NTNG1: variants seen among roughly 807,000 people sequenced by gnomAD.
The protein encoded by NTNG1 is netrin G1.
Under a neutral mutation model 54.0 loss-of-function variants are expected in NTNG1, and 16 were observed. The ratio of observed to expected loss-of-function variants is 0.30; its 90% CI spans 0.20 to 0.45. NTNG1 has a LOEUF of 0.45. NTNG1 is among the 20% of genes least tolerant of loss of function. The probability of loss-of-function intolerance (pLI) is 1.00; values close to 1 mark genes in which losing one functional copy is unlikely to be tolerated. For synonymous variants in NTNG1, 255 were observed against 263.1 expected, an observed-to-expected ratio of 0.97 and a Z score of 0.30; for missense variants, 530 against 678.7, an observed-to-expected ratio of 0.78 and a Z score of 2.43.
intron 3 of NTNG1, among the ~76,000 whole-genome samples, chr1:107,331,774 T>C (rs1245485589): frequency 6.6e-6 from 1 of 152,082 alleles, no homozygotes; most frequent in East Asian, 1.9e-4. Context: ...GTCCACATTC[T>C]CTCTTCTGAA....
At chr1:107,166,481 T>C (rs925944603) in intron 2 of NTNG1, among the ~76,000 whole-genome samples, 1 of 152,264 alleles carries the variant, frequency 6.6e-6, no homozygotes, top group East Asian at 1.9e-4. Flanking sequence ...CTTTATAAAA[T>C]GCACAGTACT....
chr1:107,182,234 TA>T (rs1370083751), intron 2 of NTNG1, among the ~76,000 whole-genome samples: 2 of 152,024 alleles, frequency 1.3e-5, no homozygotes, highest in African/African-American at 2.4e-5. Context: ...AGGAAGCAGT[TA>T]AAAAAAGTAT....
intron 1 of NTNG1, 98 bp downstream of exon 1, chr1:107,141,238 C>CGGCGGT (rs945778026): frequency 6.6e-6 from 1 of 151,688 alleles, no homozygotes; most frequent in Non-Finnish European, 1.5e-5. Context: ...CCCCGGGCTG[C>CGGCGGT]GGCGGTGGCG....
chr1:107,234,714 C>T (rs1209673194), intron 2 of NTNG1, among the ~76,000 whole-genome samples: 1 of 152,138 alleles, frequency 6.6e-6, no homozygotes. Context: ...CACATATAAG[C>T]CCAAAGTCAA....
intron 2 of NTNG1, among the ~76,000 whole-genome samples, chr1:107,223,329 G>C (rs188731931): frequency 1.2e-4 from 19 of 152,028 alleles, no homozygotes; most frequent in African/African-American, 4.6e-4. Flanking sequence ...AAGAAAACAT[G>C]GTATCCCATG....
intron 2 of NTNG1, among the ~76,000 whole-genome samples, chr1:107,213,271 C>T (rs1659713929): frequency 6.6e-6 from 1 of 152,022 alleles, no homozygotes; most frequent in South Asian, 2.1e-4. Context: ...ACAGCTTTAA[C>T]ATCTGGAAGC....
chr1:107,430,620 T>G, intron 5 of NTNG1, 130 bp from the exon 6 acceptor site: 1 of 906,550 alleles, frequency 1.1e-6, no homozygotes, highest in East Asian at 2.4e-5. Context: ...CACCATGTGT[T>G]GTGTTGAATC....
chr1:107,319,610 T>G (rs1176878697), intron 2 of NTNG1, among the ~76,000 whole-genome samples: 2 of 152,132 alleles, frequency 1.3e-5, no homozygotes, highest in Non-Finnish European at 2.9e-5. Context: ...ATAAGCCAGA[T>G]GCAAATGGGT....
intron 2 of NTNG1, among the ~76,000 whole-genome samples, chr1:107,268,111 A>G (rs1453814018): frequency 2.6e-5 from 4 of 152,212 alleles, no homozygotes; most frequent in African/African-American, 9.6e-5. Context: ...GCAGATATGT[A>G]AAAATACATC....
At chr1:107,387,609 A>G (rs1462534277) in intron 3 of NTNG1, among the ~76,000 whole-genome samples, 2 of 152,316 alleles carry the variant, frequency 1.3e-5, no homozygotes, top group East Asian at 3.9e-4. Context: ...CTTGAGTCTA[A>G]TTGTTATATG....
chr1:107,357,608 A>G (rs1670011403), intron 3 of NTNG1, among the ~76,000 whole-genome samples: 1 of 152,254 alleles, frequency 6.6e-6, no homozygotes, highest in Non-Finnish European at 1.5e-5. Context: ...TGAATCACCA[A>G]GTTAACATTG....
chr1:107,261,589 A>C (rs934485340), intron 2 of NTNG1, among the ~76,000 whole-genome samples: 9 of 152,210 alleles, frequency 5.9e-5, no homozygotes, highest in African/African-American at 2.2e-4. Flanking sequence ...CACGCCTGTA[A>C]TCCCAGCACT....
intron 5 of NTNG1, among the ~76,000 whole-genome samples, chr1:107,416,817 A>AC (rs1202856675): frequency 6.6e-6 from 1 of 151,972 alleles, no homozygotes; most frequent in Non-Finnish European, 1.5e-5. Flanking sequence ...TGCAAACATC[A>AC]CCTCCACTTA....
intron 2 of NTNG1, among the ~76,000 whole-genome samples, chr1:107,214,477 C>T (rs1659809103): frequency 6.6e-6 from 1 of 152,174 alleles, no homozygotes; most frequent in Non-Finnish European, 1.5e-5. Flanking sequence ...GAGTAGTATT[C>T]CATGGTATGT....
intron 7 of NTNG1, among the ~76,000 whole-genome samples, chr1:107,468,317 C>A (rs1677735823): frequency 6.6e-6 from 1 of 152,138 alleles, no homozygotes; most frequent in South Asian, 2.1e-4. Context: ...TATATTTTAG[C>A]TTTACAAAGT....
At chr1:107,347,100 G>C (rs1255300510) in intron 3 of NTNG1, among the ~76,000 whole-genome samples, 1 of 151,778 alleles carries the variant, frequency 6.6e-6, no homozygotes, top group Non-Finnish European at 1.5e-5. Flanking sequence ...TCACTTGATG[G>C]GCATCTTTGT....
chr1:107,157,635 T>A (rs1283201706), intron 2 of NTNG1, among the ~76,000 whole-genome samples: 1 of 152,174 alleles, frequency 6.6e-6, no homozygotes. Context: ...AGGGACATAT[T>A]TGAAGGTAAA....
At chr1:107,244,876 T>A (rs1662089583) in intron 2 of NTNG1, among the ~76,000 whole-genome samples, 1 of 152,212 alleles carries the variant, frequency 6.6e-6, no homozygotes, top group South Asian at 2.1e-4. Flanking sequence ...CTGATAGAAC[T>A]AGTGTGCAAT....
chr1:107,265,037 A>G (rs1449877230), intron 2 of NTNG1, among the ~76,000 whole-genome samples: 1 of 152,186 alleles, frequency 6.6e-6, no homozygotes, highest in Non-Finnish European at 1.5e-5. Flanking sequence ...GACACTAACA[A>G]GTATTTATTG....
Sources: allele counts gnomAD v4.1 joint callset (sites outside exome capture counted in the v4.1 genomes callset), GRCh38; gene constraint gnomAD v4.1.1; transcripts MANE v1.5; gene names NCBI Gene and HGNC (gene_info 2026-07-23, HGNC 2026-07-21).